Variants in SLC46A3 observed in about 807,000 individuals in gnomAD.
SLC46A3 encodes the protein lysosomal proton-coupled steroid conjugate and bile acid symporter SLC46A3.
SLC46A3 carries 26 observed loss-of-function variants against 38.5 expected under a neutral mutation model. That is an observed-to-expected ratio of 0.68 (90% CI 0.49 to 0.94). The LOEUF (loss-of-function observed/expected upper bound fraction) is 0.94. SLC46A3 is among the 40% of genes least tolerant of loss of function. The pLI is 0.00. For synonymous variants in SLC46A3, 185 were observed against 192.5 expected (o/e 0.96, Z 0.32); for missense variants, 510 against 544.3 (o/e 0.94, Z 0.63).
rs1322198755 is a variant in SLC46A3, at chr13:28,717,484, A to AATTTTTTTTTTTTTTTTTTTTTT, written c.189+325_189+326insAAAAAAAAAAAAAAAAAAAAAAT. Among the ~76,000 whole-genome samples the AATTTTTTTTTTTTTTTTTTTTTT allele has an allele frequency of 3.7e-3, 343 of 93,906 alleles. 68 individuals carry two copies. The highest frequency in any genetic ancestry group is 5.4e-3 in the Middle Eastern group (1 of 186). 61.6% of individuals were successfully genotyped at this position (93,906 alleles called of 152,430 possible). Reference sequence around the variant, plus strand: ...CAGCCTGCCCTGCCCCAATTTTCAGACTTTTTTTTTTTTTTTTTTTTTTTT... The same window carrying AATTTTTTTTTTTTTTTTTTTTTT: ...CAGCCTGCCCTGCCCCAATTTTCAGAATTTTTTTTTTTTTTTTTTTTTTCTTTTTTTTTTTTTTTTTTTTTTTT... On this transcript the variant is annotated intron_variant, in intron 2 of 5. Coordinates refer to ENST00000266943, the MANE Select transcript of SLC46A3 (RefSeq NM_181785.4).
At chr13:28,702,154 G>GT (rs35485959) in intron 5 of SLC46A3, among the ~76,000 whole-genome samples, 48,180 of 150,740 alleles carry the variant, frequency 0.32, 8,518 homozygotes, top group Non-Finnish European at 0.39. Flanking sequence ...AAAAAAATCT[G>GT]TTTTTTTTTG....
At chr13:28,713,652 A>T (rs1885439534) in intron 2 of SLC46A3, 102 bp from the exon 3 acceptor site, 1 of 1,127,174 alleles carries the variant, frequency 8.9e-7, no homozygotes, top group East Asian at 2.5e-5. Flanking sequence ...CCAGTAGGTT[A>T]TGGGTGGGGA....
At chr13:28,717,710 C>G (rs1210189250) in intron 2 of SLC46A3, 100 bp downstream of exon 2, 17 of 1,242,302 alleles carry the variant, frequency 1.4e-5, no homozygotes, top group Non-Finnish European at 1.9e-5. Context: ...GATGGCCGCC[C>G]TAGAGAGACC....
chr13:28,708,035 G>C (rs1485216480), intron 4 of SLC46A3, among the ~76,000 whole-genome samples: 1 of 152,196 alleles, frequency 6.6e-6, no homozygotes, highest in East Asian at 1.9e-4. Context: ...TATTGCAGAA[G>C]AGCAGTTTGC....
In SLC46A3 at chr13:28,703,787, A is replaced by G. The variant is rs541287329; in HGVS notation, c.1301+156T>C. On this transcript the variant is annotated intron_variant, in intron 5 of 5. Transcript: ENST00000266943. ...TCACTGTGTCATTCCAATTTTGTAT[A>G]TATGCTGCTGAAGCGAGCACTTCAT... The G allele has an allele frequency of 7.8e-6, 4 of 511,958 alleles. No homozygotes were observed. The South Asian group carries it at 1.5e-4, about 20-fold the overall frequency. The allele number at this position is 511,958 out of a possible 1,614,324, so 31.7% of individuals were successfully genotyped here.
At chr13:28,707,155 G>A (rs2137826309) in intron 4 of SLC46A3, among the ~76,000 whole-genome samples, 1 of 152,066 alleles carries the variant, frequency 6.6e-6, no homozygotes, top group Admixed American at 6.5e-5. Context: ...CAACCCAAAT[G>A]TCCATCAATG....
At chr13:28,710,213 C>T (rs1310039187) in intron 4 of SLC46A3, among the ~76,000 whole-genome samples, 4 of 152,298 alleles carry the variant, frequency 2.6e-5, no homozygotes, top group Non-Finnish European at 5.9e-5. Flanking sequence ...CTACCCCTTG[C>T]ACCACCCTGC....
chr13:28,702,045 C>T (rs1220497691), intron 5 of SLC46A3, among the ~76,000 whole-genome samples: 1 of 152,142 alleles, frequency 6.6e-6, no homozygotes, highest in Non-Finnish European at 1.5e-5. Flanking sequence ...TCTGTTATAA[C>T]AGAATTTATA....
chr13:28,704,106 G>A lies in SLC46A3; in HGVS notation c.1145-7C>T. 1 of 1,606,502 alleles carries A rather than the reference G, an allele frequency of 6.2e-7. No individual in the cohort carries two copies. Among genetic ancestry groups the A allele is most frequent in the Non-Finnish European group, 8.5e-7 (1 of 1,177,452 alleles). On this transcript the variant is annotated splice_polypyrimidine_tract_variant and splice_region_variant and intron_variant, in intron 4 of 5. Coordinates refer to ENST00000266943, the MANE Select transcript of SLC46A3 (RefSeq NM_181785.4). Reference sequence around the variant, plus strand: ...ATACAAGCAAACAGGGTACCTGTTTGGAGTAGGGATAGAGAGAGAGGAAAA... The same window carrying A: ...ATACAAGCAAACAGGGTACCTGTTTAGAGTAGGGATAGAGAGAGAGGAAAA...
intron 5 of SLC46A3, among the ~76,000 whole-genome samples, chr13:28,701,849 A>G (rs1420062589): frequency 6.6e-6 from 1 of 152,234 alleles, no homozygotes; most frequent in Admixed American, 6.5e-5. Context: ...TAAACTAGTT[A>G]TAACTAAAGC....
intron 2 of SLC46A3, 138 bp downstream of exon 2, chr13:28,717,672 G>A (rs1885568969): frequency 5.4e-6 from 4 of 739,496 alleles, no homozygotes; most frequent in Non-Finnish European, 8.7e-6. Context: ...TCCCAGTAAA[G>A]GCCATTAGGT....
In SLC46A3 at chr13:28,710,823, T is replaced by C. The variant is rs2137832477; in HGVS notation, c.1081A>G (p.Thr361Ala). Residue 361 changes from threonine (T) to alanine (A), a missense_variant, in exon 4 of 6, where the codon ACT becomes GCT. Thr to Ala is a moderately conservative substitution (Grantham distance 58). Transcript: ENST00000266943. ...CGTAGAACAGAGAATGGCACAATAG[T>C]GAAAAGGAACGGCACCCTGGCTGTG... ...MFLARVPFLF[T>A]IVPFSVLRSM... 1 of 1,613,896 alleles carries C rather than the reference T, an allele frequency of 6.2e-7. No individual in the cohort carries two copies. The highest frequency in any genetic ancestry group is 8.5e-7 in the Non-Finnish European group (1 of 1,179,906).
intron 5 of SLC46A3, 150 bp downstream of exon 5, chr13:28,703,793 T>G (rs1205932930): frequency 1.7e-6 from 1 of 578,124 alleles, no homozygotes; most frequent in East Asian, 2.8e-5. Flanking sequence ...GTATATATGC[T>G]GCTGAAGCGA....
chr13:28,716,500 A>T (rs1231273152), intron 2 of SLC46A3, among the ~76,000 whole-genome samples: 1 of 152,068 alleles, frequency 6.6e-6, no homozygotes, highest in Non-Finnish European at 1.5e-5. Context: ...ATAAACACTT[A>T]CAAAAAGAAA....
chr13:28,708,793 A>G (rs1885255497), intron 4 of SLC46A3, among the ~76,000 whole-genome samples: 1 of 151,850 alleles, frequency 6.6e-6, no homozygotes, highest in African/African-American at 2.4e-5. Context: ...TGAAACATAA[A>G]AATTTTTCAA....
Position 28,701,461 on chromosome 13 carries a change from GC to G in SLC46A3, c.*35del, listed in dbSNP as rs773009095. ...TCAGAAGTCATGGTATATGATATGTGCATTCATAGATTTTTTTTGTTTGTTT... is the reference window on the plus strand; with the variant it reads ...TCAGAAGTCATGGTATATGATATGTGATTCATAGATTTTTTTTGTTTGTTT... On this transcript the variant is annotated 3_prime_UTR_variant, in exon 6 of 6. Transcript: ENST00000266943. The G allele has an allele frequency of 6.2e-7, 1 of 1,606,508 alleles. No individual in the cohort carries two copies. Among genetic ancestry groups the G allele is most frequent in the Non-Finnish European group, 8.5e-7 (1 of 1,177,480 alleles).
chr13:28,709,812 T>C (rs2137830801), intron 4 of SLC46A3, among the ~76,000 whole-genome samples: 1 of 152,320 alleles, frequency 6.6e-6, no homozygotes, highest in South Asian at 2.1e-4. Context: ...TCTCTCTGGC[T>C]GCCTCGACAA....
intron 2 of SLC46A3, among the ~76,000 whole-genome samples, chr13:28,716,888 A>T (rs892368383): frequency 8.5e-5 from 13 of 152,110 alleles, no homozygotes; most frequent in African/African-American, 3.1e-4. Flanking sequence ...AATTCATTTC[A>T]TCTTTCACTG....
At position 28,700,832 on chromosome 13, in the gene SLC46A3, A is replaced by G; in HGVS notation, c.*665T>C. On this transcript the variant is annotated 3_prime_UTR_variant, in exon 6 of 6. Coordinates refer to ENST00000266943, the MANE Select transcript of SLC46A3 (RefSeq NM_181785.4). The stretch of plus-strand genomic sequence containing the variant: ...ACATATTAAGAAAAGTGAAAAATAC[A>G]TATTCTTTAAAGTGCCTCCCTTTTA... The G allele has an allele frequency of 1.3e-6, 1 of 760,370 alleles. No homozygotes were observed. The highest frequency in any genetic ancestry group is 2.1e-6 in the Non-Finnish European group (1 of 476,752). The allele number at this position is 760,370 out of a possible 1,614,324, so 47.1% of individuals were successfully genotyped here.
Sources: allele counts gnomAD v4.1 joint callset (sites outside exome capture counted in the v4.1 genomes callset), GRCh38; gene constraint gnomAD v4.1.1; transcripts MANE v1.5; gene names NCBI Gene and HGNC (gene_info 2026-07-23, HGNC 2026-07-21).